Variants in EYA4 observed in about 807,000 individuals in gnomAD.
EYA4 encodes protein phosphatase EYA4.
Under a neutral mutation model 87.9 loss-of-function variants are expected in EYA4, and 31 were observed. The ratio of observed to expected loss-of-function variants is 0.35; its 90% CI spans 0.27 to 0.48. EYA4 has a LOEUF of 0.48. Among genes scored for constraint, EYA4 ranks in the 20% least tolerant of loss-of-function variants. The pLI is 0.99. For synonymous variants in EYA4, 263 were observed against 270.6 expected, an observed-to-expected ratio of 0.97 and a Z score of 0.28; for missense variants, 678 against 761.4, an observed-to-expected ratio of 0.89 and a Z score of 1.29.
intron 2 of EYA4, among the ~76,000 whole-genome samples, chr6:133,298,612 C>CT (rs1409252755): frequency 6.6e-6 from 1 of 152,170 alleles, no homozygotes; most frequent in Non-Finnish European, 1.5e-5. Context: ...GGACAATTTA[C>CT]TTAATTTCAC....
intron 3 of EYA4, among the ~76,000 whole-genome samples, chr6:133,444,603 T>C (rs1409555372): frequency 6.6e-6 from 1 of 152,178 alleles, no homozygotes; most frequent in African/African-American, 2.4e-5. Flanking sequence ...TAGACTATGG[T>C]GACCCTTAGG....
intron 13 of EYA4, among the ~76,000 whole-genome samples, chr6:133,484,974 G>A (rs1299667724): frequency 6.6e-6 from 1 of 152,036 alleles, no homozygotes; most frequent in Admixed American, 6.6e-5. Flanking sequence ...AAGATCATTC[G>A]GACCCAAGGC....
chr6:133,346,669 TC>T (rs1464718776), intron 2 of EYA4, among the ~76,000 whole-genome samples: 1 of 152,208 alleles, frequency 6.6e-6, no homozygotes, highest in East Asian at 1.9e-4. Context: ...TTTCCTTCTG[TC>T]TTCCTATCAC....
chr6:133,440,991 T>C (rs1481168912), intron 3 of EYA4, among the ~76,000 whole-genome samples: 1 of 152,182 alleles, frequency 6.6e-6, no homozygotes, highest in Non-Finnish European at 1.5e-5. Flanking sequence ...TTAGCTGTGG[T>C]TTTTCTTTTT....
chr6:133,382,921 G>T (rs915801981), intron 3 of EYA4, among the ~76,000 whole-genome samples: 5 of 152,158 alleles, frequency 3.3e-5, no homozygotes, highest in Non-Finnish European at 5.9e-5. Context: ...TTTGGAGCCT[G>T]TGGAAATGAT....
intron 3 of EYA4, among the ~76,000 whole-genome samples, chr6:133,426,800 TACTG>T (rs1238621834): frequency 1.3e-5 from 2 of 152,244 alleles, no homozygotes; most frequent in African/African-American, 2.4e-5. Context: ...GTCTGAATTC[TACTG>T]ACTATTTATG....
intron 3 of EYA4, among the ~76,000 whole-genome samples, chr6:133,386,680 G>A (rs1443572882): frequency 6.6e-6 from 1 of 152,178 alleles, no homozygotes; most frequent in Non-Finnish European, 1.5e-5. Context: ...AATAGAAATT[G>A]TGGTGAAATT....
At chr6:133,314,304 T>G (rs1317872142) in intron 2 of EYA4, among the ~76,000 whole-genome samples, 1 of 152,206 alleles carries the variant, frequency 6.6e-6, no homozygotes, top group Non-Finnish European at 1.5e-5. Context: ...TGCAAAACTT[T>G]GACCATTTTC....
chr6:133,392,092 A>G (rs934760696), intron 3 of EYA4, among the ~76,000 whole-genome samples: 3 of 152,168 alleles, frequency 2.0e-5, no homozygotes, highest in Non-Finnish European at 4.4e-5. Flanking sequence ...GCGAAACTGC[A>G]AAGTAAGAGG....
At chr6:133,367,849 TG>T (rs1784972553) in intron 2 of EYA4, among the ~76,000 whole-genome samples, 2 of 152,156 alleles carry the variant, frequency 1.3e-5, no homozygotes, top group Non-Finnish European at 2.9e-5. Flanking sequence ...GTTTTAAACA[TG>T]GGGTAATGAA....
chr6:133,333,402 C>G (rs979484766), intron 2 of EYA4, among the ~76,000 whole-genome samples: 1 of 152,134 alleles, frequency 6.6e-6, no homozygotes, highest in African/African-American at 2.4e-5. Flanking sequence ...GATTTGCCTC[C>G]AGAGAGAGGA....
At chr6:133,395,706 A>G (rs1271806455) in intron 3 of EYA4, among the ~76,000 whole-genome samples, 1 of 152,198 alleles carries the variant, frequency 6.6e-6, no homozygotes, top group Non-Finnish European at 1.5e-5. Flanking sequence ...GGTTGCAGTG[A>G]GCCAAGATTG....
chr6:133,528,917 A>G lies in EYA4; in HGVS notation c.*112A>G. On this transcript the variant is annotated 3_prime_UTR_variant, in exon 20 of 20. Transcript: ENST00000355286. ...ATAAATTGTCTTAATGGATGAAATCATATTTGGAATAAAAATTCCAGAATG... is the reference window on the plus strand; with the variant it reads ...ATAAATTGTCTTAATGGATGAAATCGTATTTGGAATAAAAATTCCAGAATG... 1 of 1,581,430 alleles carries G rather than the reference A, an allele frequency of 6.3e-7. No homozygotes were observed. The highest frequency in any genetic ancestry group is 8.6e-7 in the Non-Finnish European group (1 of 1,162,626).
In EYA4 at chr6:133,530,405, G is replaced by T. The variant is rs998755605; in HGVS notation, c.*1600G>T. On this transcript the variant is annotated 3_prime_UTR_variant, in exon 20 of 20. Transcript: ENST00000355286. ...GTTCTCCTCTTATTTCCTATGACAC[G>T]ATTTCCCTTGTGGAAATTTAAGACT... 2 of 985,280 alleles carry T rather than the reference G, an allele frequency of 2.0e-6. No individual in the cohort carries two copies. Among genetic ancestry groups the T allele is most frequent in the South Asian group, 4.7e-5 (1 of 21,282 alleles). The allele number at this position is 985,280 out of a possible 1,614,324, so 61.0% of individuals were successfully genotyped here. A position where few individuals can be genotyped will look rare whatever the true frequency, so the allele number is the denominator to read the frequency against.
intron 1 of EYA4, among the ~76,000 whole-genome samples, chr6:133,273,042 C>G (rs1776840878): frequency 6.8e-6 from 1 of 146,776 alleles, no homozygotes; most frequent in Non-Finnish European, 1.5e-5. Flanking sequence ...CTCTTGTTAC[C>G]AAAATCTGTA....
chr6:133,466,742 A>G (rs118114204), intron 10 of EYA4, among the ~76,000 whole-genome samples: 4,213 of 151,650 alleles, frequency 0.028, 96 homozygotes, highest in Middle Eastern at 0.048. Context: ...CAAATCCCCA[A>G]TGGATGGAAA....
chr6:133,338,527 A>G (rs1226692502), intron 2 of EYA4, among the ~76,000 whole-genome samples: 1 of 152,202 alleles, frequency 6.6e-6, no homozygotes, highest in Non-Finnish European at 1.5e-5. Flanking sequence ...ATTCATACAA[A>G]TTAAGCCTTT....
chr6:133,513,629 C>T (rs1799348708), intron 16 of EYA4, among the ~76,000 whole-genome samples: 1 of 151,962 alleles, frequency 6.6e-6, no homozygotes, highest in South Asian at 2.1e-4. Context: ...CCATTTTATA[C>T]CCCTTCATAT....
intron 2 of EYA4, among the ~76,000 whole-genome samples, chr6:133,324,959 G>GGA (rs1781385985): frequency 2.3e-5 from 3 of 131,322 alleles, no homozygotes. Flanking sequence ...CCCCCAGACT[G>GGA]GAGTGCAGTG....
Sources: gnomAD v4.1 joint callset for allele counts (sites outside exome capture counted in the v4.1 genomes callset) on GRCh38, gnomAD v4.1.1 for gene constraint, MANE v1.5 for transcripts, NCBI Gene and HGNC (gene_info 2026-07-23, HGNC 2026-07-21) for gene names.